Variants in KCNB2 observed in about 807,000 individuals in gnomAD.
KCNB2 encodes delayed rectifier potassium channel protein.
A neutral mutation model predicts 61.5 loss-of-function variants in KCNB2; 15 were observed. That is an observed-to-expected ratio of 0.24 (90% CI 0.16 to 0.38). KCNB2 has a LOEUF of 0.38. Among genes scored for constraint, KCNB2 ranks in the 10% least tolerant of loss-of-function variants. The probability of loss-of-function intolerance (pLI) is 1.00; values close to 1 mark genes in which losing one functional copy is unlikely to be tolerated. For synonymous variants in KCNB2, 457 were observed against 446.0 expected (o/e 1.02, Z -0.31); for missense variants, 828 against 1,125.2 (o/e 0.74, Z 3.78).
At chr8:72,816,243 G>A (rs1391357386) in intron 2 of KCNB2, among the ~76,000 whole-genome samples, 1 of 152,142 alleles carries the variant, frequency 6.6e-6, no homozygotes, top group Non-Finnish European at 1.5e-5. Flanking sequence ...CGTTAGTGAA[G>A]ATAAGCCTCT....
At chr8:72,764,446 A>G (rs947685738) in intron 2 of KCNB2, among the ~76,000 whole-genome samples, 2 of 152,160 alleles carry the variant, frequency 1.3e-5, no homozygotes, top group Admixed American at 6.5e-5. Context: ...AAAGAGGGAT[A>G]AAACACACAG....
intron 2 of KCNB2, among the ~76,000 whole-genome samples, chr8:72,633,459 C>T (rs1016935840): frequency 6.6e-6 from 1 of 152,160 alleles, no homozygotes; most frequent in African/African-American, 2.4e-5. Flanking sequence ...AAGTGCCATT[C>T]GCCATGTAAC....
chr8:72,577,872 C>T (rs1314818893), intron 2 of KCNB2, among the ~76,000 whole-genome samples: 1 of 152,272 alleles, frequency 6.6e-6, no homozygotes, highest in Non-Finnish European at 1.5e-5. Context: ...TAGCTTTAAT[C>T]AATATACTAT....
intron 1 of KCNB2, among the ~76,000 whole-genome samples, chr8:72,560,046 T>C (rs1420233497): frequency 6.6e-6 from 1 of 152,218 alleles, no homozygotes; most frequent in Admixed American, 6.5e-5. Flanking sequence ...ACTTAAGTCA[T>C]AGAGACTTCT....
intron 2 of KCNB2, among the ~76,000 whole-genome samples, chr8:72,797,469 C>T (rs552644076): frequency 3.9e-5 from 6 of 152,268 alleles, no homozygotes; most frequent in African/African-American, 1.4e-4. Context: ...GGCTGCTCTC[C>T]CCACCCTAGA....
intron 2 of KCNB2, among the ~76,000 whole-genome samples, chr8:72,769,092 G>A (rs568178553): frequency 3.9e-5 from 6 of 152,022 alleles, no homozygotes; most frequent in Non-Finnish European, 5.9e-5. Flanking sequence ...CCCAGGAGGC[G>A]GAGGTTGCAG....
chr8:72,554,454 T>G (rs1224531863), intron 1 of KCNB2, among the ~76,000 whole-genome samples: 2 of 152,136 alleles, frequency 1.3e-5, no homozygotes, highest in Non-Finnish European at 2.9e-5. Flanking sequence ...CACCAGTATT[T>G]ATAGGTTTCA....
intron 2 of KCNB2, among the ~76,000 whole-genome samples, chr8:72,725,567 A>ATG (rs1563571971): frequency 1.5e-4 from 16 of 104,056 alleles, no homozygotes; most frequent in African/African-American, 8.0e-4. Context: ...GTATATATGT[A>ATG]TATATATGTA....
At chr8:72,868,980 G>A (rs532803998) in intron 2 of KCNB2, among the ~76,000 whole-genome samples, 48 of 152,202 alleles carry the variant, frequency 3.2e-4, no homozygotes, top group Admixed American at 8.5e-4. Context: ...TCAGAACTAG[G>A]CAGATGACTA....
intron 2 of KCNB2, among the ~76,000 whole-genome samples, chr8:72,790,886 A>C (rs546128188): frequency 6.6e-6 from 1 of 152,220 alleles, no homozygotes. Context: ...ATGCTTTCAT[A>C]TACTCTTTCT....
chr8:72,739,989 C>CTT (rs1807922251), intron 2 of KCNB2, among the ~76,000 whole-genome samples: 1 of 152,132 alleles, frequency 6.6e-6, no homozygotes, highest in Non-Finnish European at 1.5e-5. Flanking sequence ...TTCTAGATAG[C>CTT]TATACTTTGG....
intron 2 of KCNB2, among the ~76,000 whole-genome samples, chr8:72,911,637 G>A (rs1806295805): frequency 6.6e-6 from 1 of 152,178 alleles, no homozygotes; most frequent in African/African-American, 2.4e-5. Flanking sequence ...AGTCTCCAAT[G>A]TTCAGCATCA....
At chr8:72,627,278 AG>A (rs1190737888) in intron 2 of KCNB2, among the ~76,000 whole-genome samples, 1 of 152,232 alleles carries the variant, frequency 6.6e-6, no homozygotes, top group Non-Finnish European at 1.5e-5. Context: ...GGAGGTCACT[AG>A]GAGTGAAGAA....
chr8:72,933,986 A>C (rs73687027), intron 2 of KCNB2, among the ~76,000 whole-genome samples: 1,699 of 152,314 alleles, frequency 0.011, 41 homozygotes, highest in African/African-American at 0.038. Context: ...AAGGTCCATA[A>C]ATCTTTATTT....
chr8:72,910,841 A>T (rs968806893), intron 2 of KCNB2, among the ~76,000 whole-genome samples: 6 of 152,230 alleles, frequency 3.9e-5, no homozygotes, highest in Non-Finnish European at 5.9e-5. Flanking sequence ...TATTCTGACG[A>T]TTGAAATTTG....
intron 2 of KCNB2, among the ~76,000 whole-genome samples, chr8:72,662,151 A>G (rs1367854698): frequency 6.6e-6 from 1 of 152,104 alleles, no homozygotes; most frequent in South Asian, 2.1e-4. Flanking sequence ...TCCCATAGCA[A>G]TCCATGGGCT....
intron 2 of KCNB2, among the ~76,000 whole-genome samples, chr8:72,654,022 T>A (rs1806252718): frequency 6.6e-6 from 1 of 152,188 alleles, no homozygotes; most frequent in African/African-American, 2.4e-5. Context: ...GAGAATGCAC[T>A]TTTTAGATCA....
At chr8:72,896,608 C>T (rs754978159) in intron 2 of KCNB2, among the ~76,000 whole-genome samples, 8 of 151,996 alleles carry the variant, frequency 5.3e-5, no homozygotes, top group Non-Finnish European at 1.0e-4. Context: ...CTAATTTTGC[C>T]AGCAGCAAAT....
intron 1 of KCNB2, among the ~76,000 whole-genome samples, chr8:72,550,210 A>T (rs1806325673): frequency 6.6e-6 from 1 of 152,252 alleles, no homozygotes; most frequent in Non-Finnish European, 1.5e-5. Context: ...GTAATAGCCA[A>T]ATAGCCCATT....
Sources: allele counts gnomAD v4.1 joint callset (sites outside exome capture counted in the v4.1 genomes callset), GRCh38; gene constraint gnomAD v4.1.1; transcripts MANE v1.5; gene names NCBI Gene and HGNC (gene_info 2026-07-23, HGNC 2026-07-21).